TMCC1: variants seen among roughly 807,000 people sequenced by gnomAD.
The protein encoded by TMCC1 is transmembrane and coiled-coil domain family 1.
In TMCC1, 15 loss-of-function variants were observed where a neutral mutation model predicts 52.4. The observed-to-expected ratio is 0.29, with a 90% confidence interval of 0.19 to 0.44. The LOEUF is 0.44. Among genes scored for constraint, TMCC1 ranks in the 20% least tolerant of loss-of-function variants. The probability of loss-of-function intolerance (pLI) is 1.00; values close to 1 mark genes in which losing one functional copy is unlikely to be tolerated. For synonymous variants in TMCC1, 279 were observed against 301.9 expected (o/e 0.92, Z 0.79); for missense variants, 503 against 806.0 (o/e 0.62, Z 4.55).
chr3:129,878,754 G>A (rs1166219735), intron 2 of TMCC1, among the ~76,000 whole-genome samples: 1 of 152,144 alleles, frequency 6.6e-6, no homozygotes, highest in Non-Finnish European at 1.5e-5. Context: ...AGCAGCACCT[G>A]GGAGCTTATT....
At chr3:129,693,421 G>A (rs1260721866) in intron 4 of TMCC1, among the ~76,000 whole-genome samples, 2 of 149,530 alleles carry the variant, frequency 1.3e-5, no homozygotes, top group African/African-American at 4.9e-5. Context: ...ATCAAGTATT[G>A]TTTCTTATCC....
intron 4 of TMCC1, among the ~76,000 whole-genome samples, chr3:129,687,403 T>A (rs1172088658): frequency 6.6e-6 from 1 of 152,204 alleles, no homozygotes; most frequent in Non-Finnish European, 1.5e-5. Flanking sequence ...AAAACACTTA[T>A]TAAAGAATCC....
At chr3:129,842,079 G>T (rs531628581) in intron 2 of TMCC1, among the ~76,000 whole-genome samples, 1 of 152,094 alleles carries the variant, frequency 6.6e-6, no homozygotes, top group Non-Finnish European at 1.5e-5. Context: ...CAAAATACAT[G>T]AGGCAAAACT....
chr3:129,846,552 A>C (rs2059673728), intron 2 of TMCC1, among the ~76,000 whole-genome samples: 1 of 152,098 alleles, frequency 6.6e-6, no homozygotes, highest in South Asian at 2.1e-4. Context: ...ACATTTTTCC[A>C]ACCACCTACT....
At chr3:129,791,088 A>AT (rs34048545) in intron 4 of TMCC1, among the ~76,000 whole-genome samples, 8,866 of 82,900 alleles carry the variant, frequency 0.11, 1,270 homozygotes, top group African/African-American at 0.3. Context: ...ACACTCCATA[A>AT]TTTTTTTTTT....
At chr3:129,783,144 T>C (rs2055676725) in intron 4 of TMCC1, among the ~76,000 whole-genome samples, 1 of 152,196 alleles carries the variant, frequency 6.6e-6, no homozygotes, top group African/African-American at 2.4e-5. Context: ...AGCTCAAGTA[T>C]TGTGTCACTA....
intron 2 of TMCC1, among the ~76,000 whole-genome samples, chr3:129,841,847 C>T (rs910946439): frequency 2.0e-5 from 3 of 152,162 alleles, no homozygotes; most frequent in Admixed American, 6.5e-5. Context: ...CCATGTAAGA[C>T]GTGACTTACT....
At chr3:129,665,044 T>A (rs1056020711) in intron 5 of TMCC1, among the ~76,000 whole-genome samples, 2 of 152,200 alleles carry the variant, frequency 1.3e-5, no homozygotes, top group Non-Finnish European at 2.9e-5. Context: ...TGGACAAGAA[T>A]CTGAAGTTGG....
chr3:129,675,277 C>T (rs886734101), intron 4 of TMCC1, among the ~76,000 whole-genome samples: 3 of 152,196 alleles, frequency 2.0e-5, no homozygotes, highest in African/African-American at 7.2e-5. Context: ...ATCCAACAAA[C>T]AAGATTGAGT....
chr3:129,729,763 C>T lies in TMCC1; in HGVS notation c.577-58499G>A, dbSNP rs775728216. On this transcript the variant is annotated intron_variant, in intron 4 of 6. Transcript: ENST00000393238. ...CTAACCTACCTTAAATTGCTCAGAA[C>T]GCTTACATTAGCCCACAGTTGGCAA... is the stretch of plus-strand genomic sequence containing the variant. 9.9e-4 allele frequency among the ~76,000 whole-genome samples: 151 copies of T among 152,162 alleles called. 1 individual carries two copies. The highest frequency in any genetic ancestry group is 1.6e-3 in the Non-Finnish European group (111 of 68,006).
intron 4 of TMCC1, among the ~76,000 whole-genome samples, chr3:129,680,581 T>C (rs1462429272): frequency 6.6e-6 from 1 of 152,112 alleles, no homozygotes; most frequent in Admixed American, 6.5e-5. Flanking sequence ...AGCAGCAGAA[T>C]AGGGAGGCAC....
Position 129,671,165 on chromosome 3 carries a change from C to A in TMCC1, c.676G>T (p.Asp226Tyr). Residue 226 changes from aspartate (D) to tyrosine (Y), a missense_variant, in exon 5 of 7, where the codon GAC becomes TAC. By Grantham distance (160) the Asp-to-Tyr change is radical. Coordinates refer to ENST00000393238, the MANE Select transcript of TMCC1 (RefSeq NM_001017395.5). ...ATGGCAGCCTTTGTGCGCTGAGGGT[C>A]TGGTGTTCCATCCACAGAGTCTGTG... Reference protein sequence around the residue: ...IHTDSVDGTPDPQRTKAAIAH... With the variant: ...IHTDSVDGTPYPQRTKAAIAH... The A allele has an allele frequency of 6.2e-7, 1 of 1,614,150 alleles. No individual in the cohort carries two copies. The highest frequency in any genetic ancestry group is 8.5e-7 in the Non-Finnish European group (1 of 1,180,042).
At chr3:129,810,980 C>T (rs1484899754) in intron 4 of TMCC1, among the ~76,000 whole-genome samples, 5 of 152,150 alleles carry the variant, frequency 3.3e-5, no homozygotes, top group South Asian at 4.1e-4. Flanking sequence ...TAGTCCTATC[C>T]TATGGTAAAA....
At chr3:129,800,316 A>G (rs557281618) in intron 4 of TMCC1, among the ~76,000 whole-genome samples, 2 of 152,294 alleles carry the variant, frequency 1.3e-5, no homozygotes, top group East Asian at 3.9e-4. Flanking sequence ...TGGAGCTCAT[A>G]TAGCATATTT....
chr3:129,879,943 G>A (rs2061388035), intron 2 of TMCC1, among the ~76,000 whole-genome samples: 5 of 152,040 alleles, frequency 3.3e-5, no homozygotes, highest in African/African-American at 1.2e-4. Context: ...GGAAGCTGAG[G>A]TGGGGGATCA....
intron 5 of TMCC1, among the ~76,000 whole-genome samples, chr3:129,659,453 G>A (rs904055172): frequency 6.6e-6 from 1 of 152,000 alleles, no homozygotes; most frequent in South Asian, 2.1e-4. Context: ...CCTTCACAAC[G>A]TATTGATTTT....
At chr3:129,782,770 C>T (rs565626757) in intron 4 of TMCC1, among the ~76,000 whole-genome samples, 78 of 152,226 alleles carry the variant, frequency 5.1e-4, no homozygotes, top group African/African-American at 1.7e-3. Flanking sequence ...ATTTGATTAC[C>T]GTATGAACTG....
At chr3:129,763,283 C>T (rs1221232199) in intron 4 of TMCC1, among the ~76,000 whole-genome samples, 1 of 146,192 alleles carries the variant, frequency 6.8e-6, no homozygotes, top group East Asian at 2.0e-4. Flanking sequence ...GAGCTCAGGC[C>T]AGTAATTCCT....
At chr3:129,853,401 G>C (rs563970642) in intron 2 of TMCC1, among the ~76,000 whole-genome samples, 1 of 152,190 alleles carries the variant, frequency 6.6e-6, no homozygotes, top group African/African-American at 2.4e-5. Flanking sequence ...AAGGCAAGAG[G>C]ATTGCTTGAG....
Sources: allele counts gnomAD v4.1 joint callset (sites outside exome capture counted in the v4.1 genomes callset), GRCh38; gene constraint gnomAD v4.1.1; transcripts MANE v1.5; gene names NCBI Gene and HGNC (gene_info 2026-07-23, HGNC 2026-07-21).